The following TENM3 variants were observed in gnomAD, a reference collection of about 807,000 sequenced individuals.
The protein encoded by TENM3 is teneurin transmembrane protein 3, also known as teneurin-3.
In TENM3, 63 loss-of-function variants were observed where a neutral mutation model predicts 255.1. The observed-to-expected ratio is 0.25, with a 90% confidence interval of 0.20 to 0.30. The LOEUF (loss-of-function observed/expected upper bound fraction) is 0.30, where lower values mean the gene tolerates loss of function less well. Ranked by LOEUF, TENM3 falls within the 10% of genes least tolerant of loss-of-function variation. The pLI, the probability that TENM3 is intolerant of heterozygous loss-of-function variation, is 1.00. For synonymous variants in TENM3, 1,306 were observed against 1,322.3 expected, an observed-to-expected ratio of 0.99 and a Z score of 0.27; for missense variants, 2,929 against 3,461.1, an observed-to-expected ratio of 0.85 and a Z score of 3.86.
chr4:182,696,491 C>T (rs896778750), intron 12 of TENM3, among the ~76,000 whole-genome samples: 6 of 152,084 alleles, frequency 3.9e-5, no homozygotes, highest in Non-Finnish European at 8.8e-5. Flanking sequence ...CTTTGGGAGG[C>T]CAAGGCGGGT....
At chr4:182,159,177 A>G (rs534513708) in intron 1 of TENM3, among the ~76,000 whole-genome samples, 1 of 152,236 alleles carries the variant, frequency 6.6e-6, no homozygotes, top group Admixed American at 6.5e-5. Flanking sequence ...GGAGATGGGG[A>G]TGGCAGCAGT....
the TENM3 span, among the ~76,000 whole-genome samples, chr4:181,628,802 G>C: frequency 6.6e-6 from 1 of 152,166 alleles, no homozygotes; most frequent in Non-Finnish European, 1.5e-5. Context: ...GCTTAGGATT[G>C]ACTTGGCAGT....
intron 24 of TENM3, among the ~76,000 whole-genome samples, chr4:182,781,201 G>T (rs1230909870): frequency 2.6e-5 from 4 of 151,202 alleles, no homozygotes; most frequent in Admixed American, 1.3e-4. Flanking sequence ...GTTTGTCATA[G>T]ATAGCTCTTA....
At chr4:182,485,243 G>A (rs1037370590) in intron 3 of TENM3, among the ~76,000 whole-genome samples, 2 of 152,102 alleles carry the variant, frequency 1.3e-5, no homozygotes, top group Non-Finnish European at 2.9e-5. Flanking sequence ...CATTACAAAT[G>A]CATCAGCAAA....
intron 22 of TENM3, among the ~76,000 whole-genome samples, chr4:182,758,911 T>C (rs1302023341): frequency 2.0e-5 from 3 of 152,148 alleles, no homozygotes; most frequent in Non-Finnish European, 4.4e-5. Flanking sequence ...AAAGTTAAAC[T>C]TTTCAGCTCA....
chr4:181,597,527 A>G, the TENM3 span, among the ~76,000 whole-genome samples: 1 of 152,122 alleles, frequency 6.6e-6, no homozygotes, highest in Admixed American at 6.5e-5. Flanking sequence ...TCAAGCATTA[A>G]CATATCTAAG....
chr4:182,321,926 C>G (rs1763077798), intron 1 of TENM3, among the ~76,000 whole-genome samples: 1 of 152,012 alleles, frequency 6.6e-6, no homozygotes, highest in Non-Finnish European at 1.5e-5. Context: ...GCCTGGGCAA[C>G]AGAGCGAGAT....
chr4:182,443,719 C>T (rs930059389), intron 3 of TENM3, among the ~76,000 whole-genome samples: 3 of 152,136 alleles, frequency 2.0e-5, no homozygotes, highest in Admixed American at 2.0e-4. Flanking sequence ...GTCCAGACCT[C>T]ATCACACACA....
chr4:181,576,992 T>TTA, the TENM3 span, among the ~76,000 whole-genome samples: 702 of 131,624 alleles, frequency 5.3e-3, 10 homozygotes, highest in African/African-American at 0.02. Context: ...ATTATATATA[T>TTA]TATATATATA....
At chr4:182,460,261 G>A (rs1258000316) in intron 3 of TENM3, among the ~76,000 whole-genome samples, 1 of 152,074 alleles carries the variant, frequency 6.6e-6, no homozygotes, top group Admixed American at 6.6e-5. Flanking sequence ...ATTTATCTAT[G>A]TCTTAAGCTC....
At chr4:182,433,339 A>G (rs902286024) in intron 3 of TENM3, among the ~76,000 whole-genome samples, 3 of 152,216 alleles carry the variant, frequency 2.0e-5, no homozygotes, top group African/African-American at 7.2e-5. Flanking sequence ...TTTCAGCTTT[A>G]CAATAGGTGC....
At chr4:182,166,074 G>A (rs929613095) in intron 1 of TENM3, among the ~76,000 whole-genome samples, 1 of 152,106 alleles carries the variant, frequency 6.6e-6, no homozygotes, top group African/African-American at 2.4e-5. Context: ...CACCGCACCC[G>A]GCCTGTAAAA....
At chr4:181,732,996 G>T in the TENM3 span, among the ~76,000 whole-genome samples, 1 of 152,182 alleles carries the variant, frequency 6.6e-6, no homozygotes, top group Non-Finnish European at 1.5e-5. Context: ...AAAAGAAGGA[G>T]GAGAATGGAC....
intron 12 of TENM3, among the ~76,000 whole-genome samples, chr4:182,712,078 C>G (rs1758789928): frequency 6.6e-6 from 1 of 151,934 alleles, no homozygotes; most frequent in South Asian, 2.1e-4. Flanking sequence ...GGTTTTTTTC[C>G]TAAATGTTTC....
the TENM3 span, among the ~76,000 whole-genome samples, chr4:182,027,799 A>G: frequency 1.3e-5 from 2 of 151,962 alleles, no homozygotes; most frequent in East Asian, 3.9e-4. Flanking sequence ...CCATCCTTGC[A>G]TCACAGAGAT....
At chr4:182,745,240 T>C (rs1227249466) in intron 19 of TENM3, among the ~76,000 whole-genome samples, 2 of 152,226 alleles carry the variant, frequency 1.3e-5, no homozygotes, top group East Asian at 3.8e-4. Context: ...CATGATCTTT[T>C]CCTGAGATCC....
chr4:182,057,290 A>AAGAG, the TENM3 span, among the ~76,000 whole-genome samples: 23 of 149,424 alleles, frequency 1.5e-4, no homozygotes, highest in South Asian at 4.2e-4. Flanking sequence ...AAATTTCTCA[A>AAGAG]AGAGAGAGAG....
intron 3 of TENM3, among the ~76,000 whole-genome samples, chr4:182,417,474 C>A (rs1304825944): frequency 6.6e-6 from 1 of 152,076 alleles, no homozygotes; most frequent in Admixed American, 6.6e-5. Flanking sequence ...GTATGACATG[C>A]TTTTTCTTTA....
chr4:182,177,964 T>G (rs990554476), intron 1 of TENM3, among the ~76,000 whole-genome samples: 5 of 137,910 alleles, frequency 3.6e-5, no homozygotes, highest in South Asian at 2.4e-4. Context: ...TTTTGTTTTT[T>G]TTTTTTTTTT....
Sources: gnomAD v4.1 joint callset for allele counts (sites outside exome capture counted in the v4.1 genomes callset) on GRCh38, gnomAD v4.1.1 for gene constraint, MANE v1.5 for transcripts, NCBI Gene and HGNC (gene_info 2026-07-23, HGNC 2026-07-21) for gene names.